The following SPATA13 variants were observed in gnomAD, a reference collection of about 807,000 sequenced individuals.
SPATA13 encodes spermatogenesis associated 13.
SPATA13 carries 50 observed loss-of-function variants against 104.0 expected under a neutral mutation model. The ratio of observed to expected loss-of-function variants is 0.48; its 90% CI spans 0.38 to 0.61. The LOEUF (loss-of-function observed/expected upper bound fraction) is 0.61, where lower values mean the gene tolerates loss of function less well. Among genes scored for constraint, SPATA13 ranks in the 20% least tolerant of loss-of-function variants. SPATA13 has a pLI of 0.00. For missense variants in SPATA13, 1,524 were observed against 1,690.6 expected, an observed-to-expected ratio of 0.90 and a Z score of 1.73; for synonymous variants, 606 against 667.5, an observed-to-expected ratio of 0.91 and a Z score of 1.42.
At chr13:24,146,667 C>G (rs958922018) in intron 3 of SPATA13, among the ~76,000 whole-genome samples, 3 of 152,150 alleles carry the variant, frequency 2.0e-5, no homozygotes, top group Non-Finnish European at 4.4e-5. Flanking sequence ...CAATACTTCT[C>G]TTACTTGTCA....
chr13:24,293,964 G>A (rs543106065), intron 9 of SPATA13, among the ~76,000 whole-genome samples: 4 of 152,332 alleles, frequency 2.6e-5, no homozygotes, highest in Non-Finnish European at 4.4e-5. Context: ...ACGGGAAAGC[G>A]GAAAATATAG....
chr13:24,286,782 A>G lies in SPATA13; in HGVS notation c.2499A>G (p.Glu833=). Residue 833 remains glutamate, a synonymous_variant, in exon 7 of 13, where the codon GAA becomes GAG. Coordinates refer to ENST00000382108, the MANE Select transcript of SPATA13 (RefSeq NM_001166271.3). This position sits in a 1 kb window ranked among gnomAD's most constrained non-coding sequence, Gnocchi z 4.9. ...GGTTGCAGTTGCGAGTGAATCAGGAAGAGCTGTCGGAAAACTCCAGCAGCA... is the reference window on the plus strand; with the variant it reads ...GGTTGCAGTTGCGAGTGAATCAGGAGGAGCTGTCGGAAAACTCCAGCAGCA... ...ASFVRLRVNQ[E]ELSENSSSTP... The G allele has an allele frequency of 1.2e-6, 2 of 1,613,694 alleles. No homozygotes were observed. Among genetic ancestry groups the G allele is most frequent in the Non-Finnish European group, 1.7e-6 (2 of 1,179,908 alleles).
At chr13:23,995,154 G>T (rs1875619782) in intron 2 of SPATA13, among the ~76,000 whole-genome samples, 1 of 152,110 alleles carries the variant, frequency 6.6e-6, no homozygotes, top group East Asian at 1.9e-4. Flanking sequence ...ATCCTTAAGA[G>T]CCTGAAGATA....
At chr13:24,152,944 G>A (rs1882146162) in intron 3 of SPATA13, among the ~76,000 whole-genome samples, 1 of 151,980 alleles carries the variant, frequency 6.6e-6, no homozygotes, top group African/African-American at 2.4e-5. Context: ...TTTCACCTCC[G>A]TGTAACCTTT....
At chr13:24,015,978 T>C (rs1593277765) in intron 2 of SPATA13, among the ~76,000 whole-genome samples, 1 of 152,240 alleles carries the variant, frequency 6.6e-6, no homozygotes, top group South Asian at 2.1e-4. Flanking sequence ...TCGCGGCTCC[T>C]TGGCTCCACA....
intron 2 of SPATA13, among the ~76,000 whole-genome samples, chr13:24,234,756 C>G (rs562714340): frequency 2.6e-5 from 4 of 152,284 alleles, no homozygotes; most frequent in African/African-American, 9.6e-5. Flanking sequence ...ATAGCACTCA[C>G]AGCTGCTTGC....
At chr13:24,169,719 C>G (rs1238100901) in intron 1 of SPATA13, among the ~76,000 whole-genome samples, 1 of 152,200 alleles carries the variant, frequency 6.6e-6, no homozygotes, top group African/African-American at 2.4e-5. Flanking sequence ...AAGCTCTCTG[C>G]AGAATGGGAG....
At chr13:24,183,380 C>A (rs139912724) in intron 1 of SPATA13, among the ~76,000 whole-genome samples, 1 of 152,162 alleles carries the variant, frequency 6.6e-6, no homozygotes, top group African/African-American at 2.4e-5. Context: ...CATTTAACAA[C>A]GGCATCATCA....
At chr13:24,069,195 C>T (rs1879075006) in intron 3 of SPATA13, among the ~76,000 whole-genome samples, 2 of 152,134 alleles carry the variant, frequency 1.3e-5, no homozygotes, top group Admixed American at 1.3e-4. Flanking sequence ...AGCATTAAAT[C>T]TATAAATTGC....
chr13:23,980,195 GAAGAA>G (rs1248372112), intron 1 of SPATA13, among the ~76,000 whole-genome samples: 3 of 152,094 alleles, frequency 2.0e-5, no homozygotes, highest in African/African-American at 7.2e-5. Context: ...AAAAAAAAAA[GAAGAA>G]AAGAAAAGTT....
At chr13:24,098,658 GTGGTTTA>G (rs1880159076) in intron 3 of SPATA13, among the ~76,000 whole-genome samples, 1 of 151,916 alleles carries the variant, frequency 6.6e-6, no homozygotes, top group Admixed American at 6.6e-5. Flanking sequence ...GCCGGATGTG[GTGGTTTA>G]TGACTGTAAT....
At chr13:24,023,958 T>C (rs542649857) in intron 3 of SPATA13, among the ~76,000 whole-genome samples, 1 of 152,316 alleles carries the variant, frequency 6.6e-6, no homozygotes, top group Admixed American at 6.5e-5. Flanking sequence ...TGGACGCTAA[T>C]ATCATAGTCA....
intron 3 of SPATA13, among the ~76,000 whole-genome samples, chr13:24,131,906 C>A (rs1358924429): frequency 1.3e-5 from 2 of 151,006 alleles, no homozygotes; most frequent in Non-Finnish European, 2.9e-5. Flanking sequence ...AACCATATTT[C>A]CCTCATAACA....
intron 2 of SPATA13, among the ~76,000 whole-genome samples, chr13:23,995,127 G>C (rs923939890): frequency 6.6e-6 from 1 of 152,152 alleles, no homozygotes; most frequent in Non-Finnish European, 1.5e-5. Flanking sequence ...GTAGTGCCAA[G>C]GTTCGGGAAC....
intron 2 of SPATA13, among the ~76,000 whole-genome samples, chr13:23,987,854 T>C (rs959636469): frequency 6.6e-6 from 1 of 152,178 alleles, no homozygotes; most frequent in Non-Finnish European, 1.5e-5. Context: ...GCGGATTCTA[T>C]AGTATTTGCC....
At chr13:24,197,724 G>A (rs1158381644) in intron 1 of SPATA13, among the ~76,000 whole-genome samples, 1 of 152,150 alleles carries the variant, frequency 6.6e-6, no homozygotes, top group East Asian at 1.9e-4. Flanking sequence ...GAAAGTACAT[G>A]TGCCATCCTT....
intron 3 of SPATA13, among the ~76,000 whole-genome samples, chr13:24,108,360 G>T (rs1168093908): frequency 6.6e-6 from 1 of 152,168 alleles, no homozygotes; most frequent in Admixed American, 6.5e-5. Context: ...TCCGTTTCTT[G>T]TTCTCTCAGT....
At chr13:24,235,815 C>T (rs564219438) in intron 2 of SPATA13, among the ~76,000 whole-genome samples, 1 of 152,172 alleles carries the variant, frequency 6.6e-6, no homozygotes, top group African/African-American at 2.4e-5. Flanking sequence ...AGCAATTGCT[C>T]CATCCACTAC....
chr13:24,276,782 T>G (rs528106509), intron 4 of SPATA13, among the ~76,000 whole-genome samples: 1 of 152,360 alleles, frequency 6.6e-6, no homozygotes, highest in African/African-American at 2.4e-5. Flanking sequence ...CATTATTAAC[T>G]TTCATCTGTA....
Sources: allele counts gnomAD v4.1 joint callset (sites outside exome capture counted in the v4.1 genomes callset), GRCh38; gene constraint gnomAD v4.1.1; non-coding constraint Gnocchi (gnomAD v3.1); transcripts MANE v1.5; gene names NCBI Gene and HGNC (gene_info 2026-07-23, HGNC 2026-07-21).